The following CACNA1E variants were observed in gnomAD, a reference collection of about 807,000 sequenced individuals.
The protein encoded by CACNA1E is voltage-dependent R-type calcium channel subunit alpha-1E.
CACNA1E carries 40 observed loss-of-function variants against 259.2 expected under a neutral mutation model. The ratio of observed to expected loss-of-function variants is 0.15; its 90% CI spans 0.12 to 0.20. The LOEUF is 0.20. CACNA1E is among the 10% of genes least tolerant of loss of function. The pLI, the probability that CACNA1E is intolerant of heterozygous loss-of-function variation, is 1.00. For synonymous variants in CACNA1E, 1,104 were observed against 1,138.5 expected (o/e 0.97, Z 0.61); for missense variants, 1,874 against 3,040.1 (o/e 0.62, Z 9.02).
chr1:181,320,867 T>C (rs950941848), intron 1 of CACNA1E, among the ~76,000 whole-genome samples: 1 of 152,180 alleles, frequency 6.6e-6, no homozygotes, highest in African/African-American at 2.4e-5. Context: ...CATTTTGCTT[T>C]GCCATAAAGG....
chr1:181,798,649 G>C lies in CACNA1E; in HGVS notation c.6757G>C (p.Glu2253Gln). 6.2e-7 allele frequency: 1 copy of C among 1,610,262 alleles called. No individual in the cohort carries two copies. The highest frequency in any genetic ancestry group is 8.5e-7 in the Non-Finnish European group (1 of 1,177,514). Residue 2253 changes from glutamate (E) to glutamine (Q), a missense_variant, in exon 48 of 48, where the codon GAA (glutamate) becomes CAA (glutamine). By Grantham distance (29) the Glu-to-Gln change is conservative. This residue lies in a region of CACNA1E where 542 missense variants were observed against 587.2 expected (regional missense o/e 0.92). Coordinates refer to ENST00000367573, the MANE Select transcript of CACNA1E (RefSeq NM_001205293.3). The surrounding 1 kb of genome is among the most constrained non-coding windows in gnomAD (Gnocchi z 4.2). ...DCGEEETLTF[E>Q]AAVATSLGRS... ...TGGTGAGGAGGAGACGCTCACTTTC[G>C]AAGCAGCCGTGGCTACTAGCCTGGG...
chr1:181,467,876 G>T (rs1389528606), intron 2 of CACNA1E, among the ~76,000 whole-genome samples: 3 of 152,204 alleles, frequency 2.0e-5, no homozygotes, highest in African/African-American at 7.2e-5. Flanking sequence ...AAACATTTTT[G>T]ATTGTCACAG....
At chr1:181,350,247 G>A (rs1447135978) in intron 1 of CACNA1E, among the ~76,000 whole-genome samples, 1 of 152,190 alleles carries the variant, frequency 6.6e-6, no homozygotes, top group Non-Finnish European at 1.5e-5. Context: ...CTCTTGATCT[G>A]TCATCAGTCA....
intron 37 of CACNA1E, 121 bp downstream of exon 37, chr1:181,772,352 TCCACACCC>T (rs1415100038): frequency 3.2e-6 from 3 of 929,698 alleles, no homozygotes; most frequent in Non-Finnish European, 5.0e-6. Context: ...CCCTCCTCTC[TCCACACCC>T]CCACCATGCA....
chr1:181,699,122 G>A (rs1161375794), intron 7 of CACNA1E, among the ~76,000 whole-genome samples: 1 of 152,204 alleles, frequency 6.6e-6, no homozygotes, highest in South Asian at 2.1e-4. Flanking sequence ...TGCAGTGGTT[G>A]TGACTCATAG....
At chr1:181,411,481 A>G (rs868004758) in intron 1 of CACNA1E, among the ~76,000 whole-genome samples, 25 of 152,330 alleles carry the variant, frequency 1.6e-4, no homozygotes, top group African/African-American at 3.8e-4. Flanking sequence ...ATCCTCTCTC[A>G]TGCACATGCT....
chr1:181,632,667 T>C (rs1425690716), intron 6 of CACNA1E, among the ~76,000 whole-genome samples: 1 of 152,232 alleles, frequency 6.6e-6, no homozygotes. Flanking sequence ...AAGTTCCTTA[T>C]TGCTGAGCCT....
At chr1:181,665,859 A>G (rs1329236267) in intron 7 of CACNA1E, among the ~76,000 whole-genome samples, 1 of 152,190 alleles carries the variant, frequency 6.6e-6, no homozygotes, top group Non-Finnish European at 1.5e-5. Context: ...ATATTCACTT[A>G]GATATCCCTT....
At chr1:181,563,364 T>C (rs1274855777) in intron 3 of CACNA1E, among the ~76,000 whole-genome samples, 1 of 152,108 alleles carries the variant, frequency 6.6e-6, no homozygotes, top group African/African-American at 2.4e-5. Context: ...CCTGAAAGAG[T>C]TATTTGAGAA....
chr1:181,617,017 C>T (rs779557456), intron 6 of CACNA1E, among the ~76,000 whole-genome samples: 60 of 152,086 alleles, frequency 3.9e-4, no homozygotes, highest in Non-Finnish European at 5.9e-4. Flanking sequence ...GTAGTGATGT[C>T]CTTTTTTCAT....
At chr1:181,685,130 T>C (rs1248101031) in intron 7 of CACNA1E, among the ~76,000 whole-genome samples, 1 of 151,068 alleles carries the variant, frequency 6.6e-6, no homozygotes, top group Non-Finnish European at 1.5e-5. Flanking sequence ...GAGAATTTGA[T>C]GAACAAATGG....
intron 1 of CACNA1E, among the ~76,000 whole-genome samples, chr1:181,355,019 GA>G (rs34370026): frequency 1.6e-4 from 25 of 152,240 alleles, no homozygotes; most frequent in African/African-American, 5.8e-4. Flanking sequence ...GCCCCACAAG[GA>G]AAGCTGAGCC....
intron 20 of CACNA1E, 48 bp downstream of exon 20, chr1:181,733,082 T>C: frequency 6.7e-7 from 1 of 1,500,716 alleles, no homozygotes; most frequent in Non-Finnish European, 8.8e-7. Flanking sequence ...AGGCTGCTGT[T>C]AGGTGTTCCT....
intron 1 of CACNA1E, among the ~76,000 whole-genome samples, chr1:181,337,700 T>A (rs1407964270): frequency 1.3e-5 from 2 of 152,218 alleles, no homozygotes; most frequent in African/African-American, 4.8e-5. Flanking sequence ...TCTCATTTTT[T>A]AAGGCTGAGT....
chr1:181,545,084 A>G (rs185523988), intron 3 of CACNA1E, among the ~76,000 whole-genome samples: 65 of 152,236 alleles, frequency 4.3e-4, no homozygotes, highest in Middle Eastern at 3.4e-3. Flanking sequence ...GGACCACGGT[A>G]AAAACATTTC....
chr1:181,674,144 C>G (rs1475600064), intron 7 of CACNA1E, among the ~76,000 whole-genome samples: 1 of 151,106 alleles, frequency 6.6e-6, no homozygotes, highest in Non-Finnish European at 1.5e-5. Flanking sequence ...CCTTGAGAGG[C>G]CAAGGCGGGC....
At chr1:181,469,057 T>A (rs181417338) in intron 2 of CACNA1E, among the ~76,000 whole-genome samples, 32 of 151,118 alleles carry the variant, frequency 2.1e-4, no homozygotes, top group Middle Eastern at 3.4e-3. Context: ...TTTATTAAAA[T>A]TTTTTTTTTA....
intron 7 of CACNA1E, among the ~76,000 whole-genome samples, chr1:181,664,335 T>C (rs1349275659): frequency 6.6e-6 from 1 of 152,232 alleles, no homozygotes; most frequent in East Asian, 1.9e-4. Flanking sequence ...CTCTTTTGAG[T>C]TGATTAATTC....
Position 181,772,240 on chromosome 1 carries a change from C to A in CACNA1E, c.5139+9C>A. 6.2e-7 allele frequency: 1 copy of A among 1,611,030 alleles called. No individual in the cohort carries two copies. Among genetic ancestry groups the A allele is most frequent in the Non-Finnish European group, 8.5e-7 (1 of 1,178,082 alleles). ...TCTTCTGCTCCTTCTTGGTGAGCAA[C>A]ATTGTGCTTTTGCCTTGCTATGTGG... On this transcript the variant is annotated intron_variant, in intron 37 of 47. Transcript: ENST00000367573.
Sources: allele counts gnomAD v4.1 joint callset (sites outside exome capture counted in the v4.1 genomes callset), GRCh38; gene constraint gnomAD v4.1.1; regional missense constraint gnomAD v4.1.1; non-coding constraint Gnocchi (gnomAD v3.1); transcripts MANE v1.5; gene names NCBI Gene and HGNC (gene_info 2026-07-23, HGNC 2026-07-21).